PCDH11X: variants seen among roughly 807,000 people sequenced by gnomAD.
The protein encoded by PCDH11X is protocadherin-11 X-linked.
PCDH11X carries 18 observed loss-of-function variants against 53.3 expected under a neutral mutation model. The observed-to-expected ratio is 0.34, with a 90% CI of 0.23 to 0.50. The LOEUF is 0.50. PCDH11X is among the 20% of genes least tolerant of loss of function. The probability of loss-of-function intolerance (pLI) is 0.98; values close to 1 mark genes in which losing one functional copy is unlikely to be tolerated. For synonymous variants in PCDH11X, 279 were observed against 393.3 expected, an observed-to-expected ratio of 0.71 and a Z score of 3.44; for missense variants, 570 against 1,032.4, an observed-to-expected ratio of 0.55 and a Z score of 6.14.
At chrX:92,105,369 A>G (rs1024209361) in intron 6 of PCDH11X, among the ~76,000 whole-genome samples, 12 of 110,883 alleles carry the variant, frequency 1.1e-4, no homozygotes, top group Admixed American at 4.8e-4. Context: ...CTTACGGAGC[A>G]AAAAGCAGGA....
intron 6 of PCDH11X, among the ~76,000 whole-genome samples, chrX:92,022,829 C>T (rs113906377): frequency 0.083 from 9,206 of 110,499 alleles, 408 homozygotes; most frequent in East Asian, 0.29. Flanking sequence ...CTCAGACCAC[C>T]GTGCAATCAA....
intron 8 of PCDH11X, among the ~76,000 whole-genome samples, chrX:92,285,921 C>T (rs1245101584): frequency 5.4e-5 from 6 of 111,784 alleles, no homozygotes; most frequent in East Asian, 2.8e-4. Context: ...AGGGATGGGC[C>T]GAAACAAAGG....
Position 92,075,985 on chromosome X carries a change from G to A in PCDH11X, c.3034-125390G>A, listed in dbSNP as rs777848525. 4.6e-3 allele frequency among the ~76,000 whole-genome samples: 510 copies of A among 109,958 alleles called. 2 individuals carry two copies. Among genetic ancestry groups the A allele is most frequent in the Non-Finnish European group, 7.1e-3 (377 of 52,792 alleles). On this transcript the variant is annotated intron_variant, in intron 6 of 10. Transcript: ENST00000682573. ...ATCAAGCATAATACCTAGAGGCTGTGGAAAGGTACTTCTTGTTGGTATGCC... is the reference window on the plus strand; with the variant it reads ...ATCAAGCATAATACCTAGAGGCTGTAGAAAGGTACTTCTTGTTGGTATGCC...
chrX:92,276,853 A>G (rs896331123), intron 8 of PCDH11X, among the ~76,000 whole-genome samples: 7 of 111,460 alleles, frequency 6.3e-5, no homozygotes, highest in African/African-American at 2.0e-4. Flanking sequence ...CGAGTCATGA[A>G]CTGGGCTGGA....
Position 92,618,731 on chromosome X carries a change from C to T in PCDH11X, c.3835C>T (p.Gln1279Ter). ...TCAGGCCCAATCATCAGTCAGTTTG[C>T]AGCAAGGTTGGGTGCAAGGTGCTGA... ...RSQAQSSVSLQQGWVQGADGL... is the reference protein window; with the variant it reads ...RSQAQSSVSL The change falls in exon 11 of 11, where the codon CAG becomes TAG. Residue 1279 changes from glutamine (Q) to a stop codon, truncating the protein, a stop_gained. Coordinates refer to ENST00000682573, the MANE Select transcript of PCDH11X (RefSeq NM_032968.5). LOFTEE classifies it high-confidence loss of function. The T allele has an allele frequency of 8.3e-7, 1 of 1,211,970 alleles. No individual in the cohort carries two copies. Among genetic ancestry groups the T allele is most frequent in the Non-Finnish European group, 1.1e-6 (1 of 895,487 alleles).
At chrX:92,059,304 A>G (rs2063494147) in intron 6 of PCDH11X, among the ~76,000 whole-genome samples, 1 of 111,364 alleles carries the variant, frequency 9.0e-6, no homozygotes, top group South Asian at 3.7e-4. Context: ...CATATATTAC[A>G]TTATTTGATC....
chrX:92,552,053 A>G (rs984491646), intron 10 of PCDH11X, among the ~76,000 whole-genome samples: 6 of 101,923 alleles, frequency 5.9e-5, no homozygotes, highest in Non-Finnish European at 1.0e-4. Flanking sequence ...ATTCCATATA[A>G]GATTCAGGAT....
intron 6 of PCDH11X, among the ~76,000 whole-genome samples, chrX:92,184,112 A>C (rs1269012039): frequency 1.8e-5 from 2 of 112,002 alleles, no homozygotes; most frequent in Non-Finnish European, 3.8e-5. Context: ...GCGCTCAGTA[A>C]ATATTTATTG....
intron 5 of PCDH11X, among the ~76,000 whole-genome samples, chrX:91,851,665 A>C (rs1160861145): frequency 4.5e-5 from 5 of 111,950 alleles, no homozygotes; most frequent in Non-Finnish European, 9.4e-5. Context: ...TTTTTCGTTG[A>C]AATTGACAGG....
chrX:92,481,197 CCCA>C (rs2073496243), intron 10 of PCDH11X, among the ~76,000 whole-genome samples: 1 of 109,864 alleles, frequency 9.1e-6, no homozygotes, highest in African/African-American at 3.3e-5. Flanking sequence ...GGGCTCTGTG[CCCA>C]CCAAGGCTCT....
intron 8 of PCDH11X, among the ~76,000 whole-genome samples, chrX:92,339,040 A>G (rs2069687873): frequency 8.9e-6 from 1 of 111,793 alleles, no homozygotes; most frequent in Admixed American, 9.5e-5. Flanking sequence ...TACAGTAATG[A>G]AAACAGCATG....
At chrX:92,222,457 C>T (rs751430727) in intron 7 of PCDH11X, among the ~76,000 whole-genome samples, 1 of 111,312 alleles carries the variant, frequency 9.0e-6, no homozygotes, top group Non-Finnish European at 1.9e-5. Context: ...CTGTTGTTTC[C>T]TGCTGCAATT....
chrX:91,796,116 GT>G (rs1411441042), intron 1 of PCDH11X, among the ~76,000 whole-genome samples: 1 of 111,757 alleles, frequency 8.9e-6, no homozygotes, highest in Non-Finnish European at 1.9e-5. Context: ...CAAGGAAGTA[GT>G]ATAAAAGCCA....
intron 6 of PCDH11X, among the ~76,000 whole-genome samples, chrX:92,159,814 ATTTTTTTT>A (rs1177460058): frequency 2.4e-5 from 1 of 42,403 alleles, no homozygotes; most frequent in African/African-American, 7.3e-5. Context: ...AGGTTACCTC[ATTTTTTTT>A]TTTTTTTTTG....
chrX:92,149,436 T>A (rs2065390661), intron 6 of PCDH11X, among the ~76,000 whole-genome samples: 1 of 95,086 alleles, frequency 1.1e-5, no homozygotes, highest in Admixed American at 1.2e-4. Context: ...TCTCACTCTC[T>A]CTCTCTCTCT....
chrX:92,301,254 C>T (rs1038112282), intron 8 of PCDH11X, among the ~76,000 whole-genome samples: 12 of 107,925 alleles, frequency 1.1e-4, no homozygotes, highest in South Asian at 4.2e-4. Flanking sequence ...TGCAAGTAGG[C>T]GTGGCCAGGG....
chrX:91,824,789 T>C (rs1299066190), intron 4 of PCDH11X, among the ~76,000 whole-genome samples: 6 of 109,000 alleles, frequency 5.5e-5, no homozygotes, highest in Non-Finnish European at 9.4e-5. Flanking sequence ...TTCTGTTTTT[T>C]CCCCATCTTT....
intron 6 of PCDH11X, among the ~76,000 whole-genome samples, chrX:92,042,488 G>A: frequency 9.6e-6 from 1 of 104,414 alleles, no homozygotes; most frequent in Admixed American, 1.1e-4. Context: ...TTTTTCTTAT[G>A]AGCACCTACC....
intron 4 of PCDH11X, among the ~76,000 whole-genome samples, chrX:91,825,686 A>G: frequency 9.2e-6 from 1 of 108,518 alleles, no homozygotes; most frequent in Non-Finnish European, 1.9e-5. Flanking sequence ...CTATTCGGCC[A>G]TCTTGGCTCC....
Sources: allele counts gnomAD v4.1 joint callset (sites outside exome capture counted in the v4.1 genomes callset), GRCh38; gene constraint gnomAD v4.1.1; transcripts MANE v1.5; gene names NCBI Gene and HGNC (gene_info 2026-07-23, HGNC 2026-07-21).